IQCJ: variants seen among roughly 807,000 people sequenced by gnomAD.
IQCJ encodes IQ domain-containing protein J.
Under a neutral mutation model 11.0 loss-of-function variants are expected in IQCJ, and 9 were observed. That is an observed-to-expected ratio of 0.82 (90% CI 0.49 to 1.43). The LOEUF (loss-of-function observed/expected upper bound fraction) is 1.43, where lower values mean the gene tolerates loss of function less well. IQCJ is among the 40% of genes most tolerant of loss of function. IQCJ has a pLI of 0.00. For missense variants in IQCJ, 146 were observed against 133.2 expected (o/e 1.10, Z -0.47); for synonymous variants, 55 against 51.3 (o/e 1.07, Z -0.31).
At chr3:159,188,077 C>T (rs1723476044) in intron 1 of IQCJ, among the ~76,000 whole-genome samples, 1 of 152,156 alleles carries the variant, frequency 6.6e-6, no homozygotes, top group Admixed American at 6.5e-5. Context: ...CCTCTGCCAC[C>T]ATCATTGGTG....
intron 1 of IQCJ, among the ~76,000 whole-genome samples, chr3:159,213,702 T>C (rs917039668): frequency 6.6e-6 from 1 of 152,214 alleles, no homozygotes; most frequent in South Asian, 2.1e-4. Flanking sequence ...AATTTACGAA[T>C]GAATTTTTAA....
At chr3:159,167,956 A>G (rs548540811) in intron 1 of IQCJ, among the ~76,000 whole-genome samples, 1 of 152,324 alleles carries the variant, frequency 6.6e-6, no homozygotes, top group South Asian at 2.1e-4. Context: ...CACCACCTAG[A>G]TGGGCCCGCA....
At chr3:159,170,351 T>C (rs561376061) in intron 1 of IQCJ, among the ~76,000 whole-genome samples, 1 of 152,182 alleles carries the variant, frequency 6.6e-6, no homozygotes, top group African/African-American at 2.4e-5. Flanking sequence ...ACATGAAATG[T>C]CAAACAATAT....
At chr3:159,115,528 C>T (rs978010773) in intron 1 of IQCJ, among the ~76,000 whole-genome samples, 1 of 152,164 alleles carries the variant, frequency 6.6e-6, no homozygotes, top group African/African-American at 2.4e-5. Context: ...GTAAAATTTG[C>T]CTTCTGTCTT....
At chr3:159,161,378 T>G (rs1366792908) in intron 1 of IQCJ, among the ~76,000 whole-genome samples, 1 of 152,178 alleles carries the variant, frequency 6.6e-6, no homozygotes, top group Admixed American at 6.5e-5. Flanking sequence ...GATGTGGTTG[T>G]TTGTTTTTTT....
chr3:159,085,671 A>T (rs1716701957), intron 1 of IQCJ, among the ~76,000 whole-genome samples: 1 of 150,816 alleles, frequency 6.6e-6, no homozygotes, highest in Non-Finnish European at 1.5e-5. Context: ...ATGGCCAGTG[A>T]TGATAAGCAT....
rs71144478 is a variant in IQCJ, at chr3:159,201,627, C to CTTTTTTTTT, written c.10-44199_10-44191dup. ...AGAAACAAAACTGTTGATAATGATT[C>CTTTTTTTTT]TTTTTTTTTTTTTTTTTTTTTTTTT... On this transcript the variant is annotated intron_variant, in intron 1 of 3. Coordinates refer to ENST00000397832, the MANE Select transcript of IQCJ (RefSeq NM_001042706.3). Among the ~76,000 whole-genome samples the CTTTTTTTTT allele has an allele frequency of 2.1e-4, 15 of 70,308 alleles. 3 individuals are homozygous for CTTTTTTTTT. Among genetic ancestry groups the CTTTTTTTTT allele is most frequent in the East Asian group, 5.1e-4 (1 of 1,972 alleles). The allele number at this position is 70,308 out of a possible 152,430, so 46.1% of individuals were successfully genotyped here.
At chr3:159,091,699 CACACACACA>C (rs1717323738) in intron 1 of IQCJ, among the ~76,000 whole-genome samples, 1 of 150,770 alleles carries the variant, frequency 6.6e-6, no homozygotes, top group Non-Finnish European at 1.5e-5. Context: ...CACACACACA[CACACACACA>C]CACACACGGC....
At chr3:159,086,908 TTTCCTTCTCC>T (rs1716819532) in intron 1 of IQCJ, among the ~76,000 whole-genome samples, 1 of 152,158 alleles carries the variant, frequency 6.6e-6, no homozygotes, top group African/African-American at 2.4e-5. Flanking sequence ...ATACCCTTTA[TTTCCTTCTCC>T]TGCCTAATTG....
intron 1 of IQCJ, among the ~76,000 whole-genome samples, chr3:159,119,565 C>T (rs114539723): frequency 9.1e-4 from 139 of 152,212 alleles, no homozygotes; most frequent in Middle Eastern, 3.4e-3. Flanking sequence ...AAAAAACATT[C>T]CATGAAGTAG....
At chr3:159,236,644 T>A (rs13085824) in intron 1 of IQCJ, among the ~76,000 whole-genome samples, 14,813 of 152,236 alleles carry the variant, frequency 0.097, 923 homozygotes, top group Middle Eastern at 0.13. Context: ...TTACAGCCAC[T>A]GAGGTCCGAG....
chr3:159,129,440 T>A (rs2108157645), intron 1 of IQCJ, among the ~76,000 whole-genome samples: 1 of 152,304 alleles, frequency 6.6e-6, no homozygotes, highest in South Asian at 2.1e-4. Context: ...CCTCCTTGCC[T>A]TCTAAGCTTG....
At chr3:159,173,170 C>A (rs1027785127) in intron 1 of IQCJ, among the ~76,000 whole-genome samples, 5 of 152,300 alleles carry the variant, frequency 3.3e-5, no homozygotes, top group East Asian at 3.9e-4. Flanking sequence ...CGTGAGCAGA[C>A]CTTGAATATC....
chr3:159,257,940 G>A (rs1056661954), intron 3 of IQCJ, among the ~76,000 whole-genome samples: 24 of 152,136 alleles, frequency 1.6e-4, no homozygotes, highest in Non-Finnish European at 1.0e-4. Context: ...TTCCCATCTT[G>A]TTTCCTGAGA....
At chr3:159,116,384 A>G (rs961228669) in intron 1 of IQCJ, among the ~76,000 whole-genome samples, 1 of 151,890 alleles carries the variant, frequency 6.6e-6, no homozygotes, top group Non-Finnish European at 1.5e-5. Flanking sequence ...TTTCTCCAAC[A>G]CTGTCTCTTT....
chr3:159,159,978 A>G (rs1560008004), intron 1 of IQCJ, among the ~76,000 whole-genome samples: 1 of 152,188 alleles, frequency 6.6e-6, no homozygotes, highest in Non-Finnish European at 1.5e-5. Context: ...CTGTGAGCCA[A>G]ATAAACTTCT....
At chr3:159,215,341 T>C (rs1175166714) in intron 1 of IQCJ, among the ~76,000 whole-genome samples, 1 of 152,160 alleles carries the variant, frequency 6.6e-6, no homozygotes, top group Non-Finnish European at 1.5e-5. Context: ...ACCTTTACCA[T>C]GAAGGTTTAA....
At chr3:159,243,804 T>A (rs1727081357) in intron 1 of IQCJ, among the ~76,000 whole-genome samples, 2 of 152,210 alleles carry the variant, frequency 1.3e-5, no homozygotes, top group South Asian at 2.1e-4. Flanking sequence ...CCACTCAGGT[T>A]ATTATATGGA....
intron 1 of IQCJ, among the ~76,000 whole-genome samples, chr3:159,182,194 C>A (rs1723127865): frequency 6.6e-6 from 1 of 150,836 alleles, no homozygotes; most frequent in Admixed American, 6.6e-5. Flanking sequence ...TTCTTACCAA[C>A]AAAATTATAC....
Sources: gnomAD v4.1 joint callset for allele counts (sites outside exome capture counted in the v4.1 genomes callset) on GRCh38, gnomAD v4.1.1 for gene constraint, MANE v1.5 for transcripts, NCBI Gene and HGNC (gene_info 2026-07-23, HGNC 2026-07-21) for gene names.